The following EVI5 variants were observed in gnomAD, a reference collection of about 807,000 sequenced individuals.
The protein encoded by EVI5 is ecotropic viral integration site 5.
EVI5 carries 73 observed loss-of-function variants against 112.0 expected under a neutral mutation model. The observed-to-expected ratio is 0.65, with a 90% CI of 0.54 to 0.79. EVI5 has a LOEUF of 0.79. EVI5 is among the 30% of genes least tolerant of loss of function. The probability of loss-of-function intolerance (pLI) is 0.00; values close to 1 mark genes in which losing one functional copy is unlikely to be tolerated. For missense variants in EVI5, 900 were observed against 968.8 expected, an observed-to-expected ratio of 0.93 and a Z score of 0.94; for synonymous variants, 305 against 319.9, an observed-to-expected ratio of 0.95 and a Z score of 0.50.
intron 9 of EVI5, among the ~76,000 whole-genome samples, chr1:92,686,130 C>T (rs1668495933): frequency 6.6e-6 from 1 of 152,114 alleles, no homozygotes; most frequent in South Asian, 2.1e-4. Flanking sequence ...CCGATGAACA[C>T]TGATGTGAAA....
At chr1:92,580,379 C>T (rs1292773135) in intron 18 of EVI5, 1 of 152,158 alleles carries the variant, frequency 6.6e-6, no homozygotes, top group East Asian at 1.9e-4. Context: ...ATTCTAAAAG[C>T]TTCAAAGCTT....
intron 9 of EVI5, among the ~76,000 whole-genome samples, chr1:92,680,592 G>A (rs1004921765): frequency 9.9e-5 from 15 of 152,046 alleles, no homozygotes; most frequent in African/African-American, 3.4e-4. Flanking sequence ...AAAGAAAGAG[G>A]TTACTACATA....
intron 6 of EVI5, among the ~76,000 whole-genome samples, chr1:92,697,282 A>G (rs1670468870): frequency 6.6e-6 from 1 of 152,084 alleles, no homozygotes; most frequent in Non-Finnish European, 1.5e-5. Flanking sequence ...TATATAAAAT[A>G]TAAAAATTAA....
intron 18 of EVI5, among the ~76,000 whole-genome samples, chr1:92,595,534 G>T (rs10735780): frequency 0.38 from 57,863 of 151,972 alleles, 12,789 homozygotes; most frequent in East Asian, 0.75. Flanking sequence ...CCTGCACGTT[G>T]TGCACACGTA....
chr1:92,571,232 T>G (rs916035717), intron 18 of EVI5, among the ~76,000 whole-genome samples: 2 of 146,928 alleles, frequency 1.4e-5, no homozygotes, highest in African/African-American at 5.1e-5. Context: ...GCACACTAGA[T>G]AAACTGAGGA....
rs368947931 is a variant in EVI5 at position 92,615,629 on chromosome 1, GC to G, written c.1828-7903del. ...AAACAACCCCTCCCCAACCCATGCT[GC>G]CATCAGCCTTTCTGCCTTTGTCTGA... On this transcript the variant is annotated intron_variant, in intron 16 of 19. Coordinates refer to ENST00000684568, the MANE Select transcript of EVI5 (RefSeq NM_001350197.2). 9.8e-4 allele frequency among the ~76,000 whole-genome samples: 149 copies of G among 152,244 alleles called. 2 individuals carry two copies. In the South Asian group the frequency reaches 0.011, roughly 12 times the overall value.
chr1:92,660,717 A>G (rs1663845033), intron 13 of EVI5, among the ~76,000 whole-genome samples: 1 of 152,064 alleles, frequency 6.6e-6, no homozygotes. Flanking sequence ...GAAGCCAGAC[A>G]TAAAAGTCAC....
At chr1:92,685,691 A>G (rs1298969451) in intron 9 of EVI5, among the ~76,000 whole-genome samples, 1 of 152,140 alleles carries the variant, frequency 6.6e-6, no homozygotes, top group Non-Finnish European at 1.5e-5. Flanking sequence ...AATCAAATAG[A>G]TGCAATAAAA....
intron 18 of EVI5, among the ~76,000 whole-genome samples, chr1:92,589,252 T>C (rs938041475): frequency 2.6e-5 from 4 of 152,080 alleles, no homozygotes; most frequent in African/African-American, 4.8e-5. Flanking sequence ...TCACTGGGGA[T>C]TGTCAGACAA....
chr1:92,547,868 C>A lies in EVI5; in HGVS notation c.2166+15774G>T, dbSNP rs534292566. 4.4e-3 allele frequency among the ~76,000 whole-genome samples: 668 copies of A among 152,142 alleles called. 2 individuals carry two copies. The highest frequency in any genetic ancestry group is 0.016 in the African/African-American group (647 of 41,504). ...AGGCAATAATTAGTAGCCTACCAAC[C>A]AAAAAAAGTCCAGGACCAGATGGAT... On this transcript the variant is annotated intron_variant, in intron 19 of 19. Transcript: ENST00000684568.
rs1572170905 is a variant in EVI5 at position 92,662,828 on chromosome 1, T to C, written c.1283A>G (p.Tyr428Cys). The C allele has an allele frequency of 2.3e-6, 3 of 1,289,172 alleles. No individual in the cohort carries two copies. The highest frequency in any genetic ancestry group is 5.6e-5 in the East Asian group (1 of 17,976). 79.9% of individuals were successfully genotyped at this position (1,289,172 alleles called of 1,614,324 possible). Residue 428 changes from tyrosine (Y) to cysteine (C), a missense_variant, in exon 13 of 20, where the codon TAC (tyrosine) becomes TGC (cysteine). By Grantham distance (194) the Tyr-to-Cys change is radical. Transcript: ENST00000684568. ...VTRAQEAEEN[Y>C]LIKRELATIK... is the part of the protein sequence containing the mutation. The stretch of plus-strand genomic sequence containing the variant: ...GGTGGCCAACTCCCGTTTTATGAGG[T>C]AGTTTTCCTCAGCCTCCTGGGCTCT...
At chr1:92,757,670 A>T (rs1681150226) in intron 1 of EVI5, among the ~76,000 whole-genome samples, 1 of 151,924 alleles carries the variant, frequency 6.6e-6, no homozygotes. Context: ...GGGAGGCCAA[A>T]GTGGGTGGAT....
intron 19 of EVI5, among the ~76,000 whole-genome samples, chr1:92,532,097 C>T (rs1400382024): frequency 9.6e-6 from 1 of 103,650 alleles, no homozygotes; most frequent in African/African-American, 4.2e-5. Context: ...GGAGTATTTA[C>T]CAAGCAAATG....
At chr1:92,748,370 T>C (rs1391370473) in intron 1 of EVI5, among the ~76,000 whole-genome samples, 1 of 152,158 alleles carries the variant, frequency 6.6e-6, no homozygotes, top group Non-Finnish European at 1.5e-5. Context: ...CAACTGATTC[T>C]AGGCCCTAAG....
intron 3 of EVI5, 97 bp downstream of exon 3, chr1:92,704,458 G>C: frequency 1.4e-6 from 1 of 696,928 alleles, no homozygotes. Context: ...TATATAGCTT[G>C]GAAGTTGTAT....
intron 2 of EVI5, among the ~76,000 whole-genome samples, chr1:92,711,249 C>G (rs1170285750): frequency 6.6e-6 from 1 of 152,108 alleles, no homozygotes; most frequent in East Asian, 1.9e-4. Flanking sequence ...AAAGACAAAT[C>G]TGAAGTTCAT....
At chr1:92,739,907 G>A (rs1010085574) in intron 1 of EVI5, among the ~76,000 whole-genome samples, 2 of 150,876 alleles carry the variant, frequency 1.3e-5, no homozygotes, top group Admixed American at 6.6e-5. Context: ...TATGAGTATG[G>A]GTACCTGTGC....
intron 18 of EVI5, among the ~76,000 whole-genome samples, chr1:92,602,350 A>T (rs1649353562): frequency 6.6e-6 from 1 of 152,212 alleles, no homozygotes; most frequent in East Asian, 1.9e-4. Flanking sequence ...TTATCATATT[A>T]TACAAGAAGT....
At chr1:92,517,885 CTTTTT>C (rs35504849) in intron 19 of EVI5, among the ~76,000 whole-genome samples, 2 of 102,234 alleles carry the variant, frequency 2.0e-5, no homozygotes, top group African/African-American at 3.9e-5. Flanking sequence ...ATATTATATG[CTTTTT>C]TTTTTTTTTT....
Sources: gnomAD v4.1 joint callset for allele counts (sites outside exome capture counted in the v4.1 genomes callset) on GRCh38, gnomAD v4.1.1 for gene constraint, MANE v1.5 for transcripts, NCBI Gene and HGNC (gene_info 2026-07-23, HGNC 2026-07-21) for gene names.